The following STIM1 variants were observed in gnomAD, a reference collection of about 807,000 sequenced individuals.
STIM1 encodes the protein stromal interaction molecule 1.
In STIM1, 25 loss-of-function variants were observed where a neutral mutation model predicts 74.7. That is an observed-to-expected ratio of 0.33 (90% CI 0.24 to 0.47). STIM1 has a LOEUF of 0.47. Ranked by LOEUF, STIM1 falls within the 20% of genes least tolerant of loss-of-function variation. STIM1 has a pLI of 1.00. For synonymous variants in STIM1, 328 were observed against 348.8 expected (o/e 0.94, Z 0.66); for missense variants, 728 against 920.8 (o/e 0.79, Z 2.71).
At chr11:3,939,309 C>A (rs1020541391) in intron 1 of STIM1, among the ~76,000 whole-genome samples, 1 of 152,098 alleles carries the variant, frequency 6.6e-6, no homozygotes, top group African/African-American at 2.4e-5. Flanking sequence ...TAGGCTTTTC[C>A]AAACTGAAAA....
chr11:3,959,855 T>A (rs190966569), intron 1 of STIM1, among the ~76,000 whole-genome samples: 3 of 152,296 alleles, frequency 2.0e-5, no homozygotes, highest in Non-Finnish European at 4.4e-5. Flanking sequence ...TTTGTACTGA[T>A]GTTGCAAAAA....
intron 2 of STIM1, among the ~76,000 whole-genome samples, chr11:4,011,435 A>C (rs2959077): frequency 5.3e-5 from 8 of 151,846 alleles, no homozygotes; most frequent in Admixed American, 1.3e-4. Context: ...ATAGTATCTC[A>C]TTGTGATTTT....
At chr11:3,930,897 T>C (rs1444739764) in intron 1 of STIM1, among the ~76,000 whole-genome samples, 1 of 152,248 alleles carries the variant, frequency 6.6e-6, no homozygotes, top group Non-Finnish European at 1.5e-5. Context: ...CATTCATTCA[T>C]GTATTCAATC....
intron 1 of STIM1, among the ~76,000 whole-genome samples, chr11:3,932,240 T>C (rs1156420070): frequency 6.6e-6 from 1 of 152,232 alleles, no homozygotes; most frequent in East Asian, 1.9e-4. Context: ...GTCTCTTCTT[T>C]GGCCTCTTAA....
intron 11 of STIM1, among the ~76,000 whole-genome samples, chr11:4,085,164 C>A (rs1401571761): frequency 6.6e-6 from 1 of 151,008 alleles, no homozygotes; most frequent in Non-Finnish European, 1.5e-5. Context: ...CAGACTTCCT[C>A]ATCCTCTTCA....
At chr11:4,029,705 G>A (rs1224004158) in intron 3 of STIM1, among the ~76,000 whole-genome samples, 1 of 152,176 alleles carries the variant, frequency 6.6e-6, no homozygotes, top group Non-Finnish European at 1.5e-5. Context: ...ACCCTGAGCT[G>A]CCGAGGATAG....
At chr11:4,046,335 C>G (rs796851317) in intron 3 of STIM1, among the ~76,000 whole-genome samples, 2 of 152,174 alleles carry the variant, frequency 1.3e-5, no homozygotes, top group African/African-American at 4.8e-5. Flanking sequence ...GAAATATAAC[C>G]AAGCACTGAC....
Position 4,059,388 on chromosome 11 carries a change from C to T in STIM1, c.605C>T (p.Pro202Leu), listed in dbSNP as rs1242032695. The change falls in exon 5 of 13, where the codon CCT becomes CTT. Residue 202 changes from proline to leucine, a missense_variant. By Grantham distance (98) the Pro-to-Leu change is moderately conservative. Around this residue, in one of 5 missense-constraint regions of STIM1, gnomAD observed 132 missense variants for 158.2 expected, o/e 0.83. Coordinates refer to ENST00000526596, the MANE Select transcript of STIM1 (RefSeq NM_001382567.1). ...GCTCTGGATACAGTGCTCTTTGGGCCTCCTCTCTGTGAGTCTTGTGTTGAG... is the reference window on the plus strand; with the variant it reads ...GCTCTGGATACAGTGCTCTTTGGGCTTCCTCTCTGTGAGTCTTGTGTTGAG... ...LKALDTVLFG[P>L]PLLTRHNHLK... 1 of 1,613,788 alleles carries T rather than the reference C, an allele frequency of 6.2e-7. No individual in the cohort carries two copies. Among genetic ancestry groups the T allele is most frequent in the Non-Finnish European group, 8.5e-7 (1 of 1,179,848 alleles).
At chr11:3,859,627 C>A (rs2090520850) in intron 1 of STIM1, among the ~76,000 whole-genome samples, 1 of 152,210 alleles carries the variant, frequency 6.6e-6, no homozygotes, top group Non-Finnish European at 1.5e-5. Flanking sequence ...AGAGTGCAGG[C>A]TGGCTTCTCA....
intron 1 of STIM1, chr11:3,888,003 C>G (rs2091778647): frequency 6.6e-6 from 1 of 151,606 alleles, no homozygotes; most frequent in Non-Finnish European, 1.5e-5. Context: ...CATCTGTGTC[C>G]AGGAATCTTT....
chr11:3,993,555 C>T (rs2093634377), intron 2 of STIM1, among the ~76,000 whole-genome samples: 1 of 152,162 alleles, frequency 6.6e-6, no homozygotes, highest in Non-Finnish European at 1.5e-5. Context: ...ACTCGAGAGG[C>T]TCAGGCAGGA....
intron 1 of STIM1, among the ~76,000 whole-genome samples, chr11:3,924,896 C>G: frequency 6.6e-6 from 1 of 152,068 alleles, no homozygotes; most frequent in East Asian, 1.9e-4. Flanking sequence ...TTTACTGTCC[C>G]TTGAAAGACA....
chr11:4,085,021 C>T (rs11604649), intron 11 of STIM1, among the ~76,000 whole-genome samples: 66,448 of 152,004 alleles, frequency 0.44, 16,836 homozygotes, highest in Non-Finnish European at 0.57. Flanking sequence ...TGCAGGTAAC[C>T]TGGTAGCCCT....
rs75923344 is a variant in STIM1, at chr11:3,993,212, T to C, written c.270+25530T>C. On this transcript the variant is annotated intron_variant, in intron 2 of 12. Transcript: ENST00000526596. ...TTATTCTGATCTCCTCTCTGACTTATATTCCCCTTGTCACTCACTGTAGCC... is the reference window on the plus strand; with the variant it reads ...TTATTCTGATCTCCTCTCTGACTTACATTCCCCTTGTCACTCACTGTAGCC... Among the ~76,000 whole-genome samples the C allele has an allele frequency of 1.1e-3, 173 of 152,304 alleles. 1 individual carries two copies. Among genetic ancestry groups the C allele is most frequent in the African/African-American group, 3.9e-3 (164 of 41,568 alleles).
At chr11:3,893,058 T>G (rs1258534939) in intron 1 of STIM1, among the ~76,000 whole-genome samples, 3 of 152,158 alleles carry the variant, frequency 2.0e-5, no homozygotes, top group African/African-American at 7.2e-5. Context: ...TGTTGAGAGG[T>G]TCTTTGTGGA....
chr11:3,970,381 C>T (rs1483022077), intron 2 of STIM1, among the ~76,000 whole-genome samples: 1 of 152,030 alleles, frequency 6.6e-6, no homozygotes, highest in Admixed American at 6.5e-5. Flanking sequence ...AGAGAAAGTA[C>T]CAAAATGTGT....
At chr11:4,012,169 C>G (rs2093843862) in intron 2 of STIM1, among the ~76,000 whole-genome samples, 1 of 152,174 alleles carries the variant, frequency 6.6e-6, no homozygotes, top group South Asian at 2.1e-4. Context: ...ATGCCTCCAG[C>G]TTTGTTCTCT....
chr11:3,957,594 G>T (rs149275630), intron 1 of STIM1, among the ~76,000 whole-genome samples: 363 of 152,084 alleles, frequency 2.4e-3, no homozygotes, highest in Middle Eastern at 0.017. Flanking sequence ...TTCTTGCTTT[G>T]TCATCAAGGC....
chr11:3,939,223 C>G (rs1256803089), intron 1 of STIM1, among the ~76,000 whole-genome samples: 1 of 152,158 alleles, frequency 6.6e-6, no homozygotes, highest in Non-Finnish European at 1.5e-5. Context: ...TCATGATTAT[C>G]TGGTTATGAT....
Sources: gnomAD v4.1 joint callset for allele counts (sites outside exome capture counted in the v4.1 genomes callset) on GRCh38, gnomAD v4.1.1 for gene constraint, gnomAD v4.1.1 regional missense constraint, MANE v1.5 for transcripts, NCBI Gene and HGNC (gene_info 2026-07-23, HGNC 2026-07-21) for gene names.